The following SCOC variants were observed in gnomAD, a reference collection of about 807,000 sequenced individuals.
SCOC encodes short coiled coil protein.
A neutral mutation model predicts 9.9 loss-of-function variants in SCOC; 7 were observed. The ratio of observed to expected loss-of-function variants is 0.71; its 90% CI spans 0.40 to 1.33. The LOEUF (loss-of-function observed/expected upper bound fraction) is 1.33, where lower values mean the gene tolerates loss of function less well. Ranked by LOEUF, SCOC falls within the 40% of genes most tolerant of loss-of-function variation. The probability of loss-of-function intolerance (pLI) is 0.01; values close to 1 mark genes in which losing one functional copy is unlikely to be tolerated. For missense variants in SCOC, 66 were observed against 89.7 expected, an observed-to-expected ratio of 0.74 and a Z score of 1.07; for synonymous variants, 19 against 28.2, an observed-to-expected ratio of 0.67 and a Z score of 1.03.
chr4:140,264,464 A>G (rs1318396958), intron 1 of SCOC, among the ~76,000 whole-genome samples: 2 of 152,212 alleles, frequency 1.3e-5, no homozygotes, highest in Admixed American at 6.5e-5. Flanking sequence ...TCATACGTAT[A>G]AAGATCTTAG....
chr4:140,369,382 A>T (rs184959638), upstream of SCOC: 1 of 317,592 alleles, frequency 3.1e-6, no homozygotes, highest in African/African-American at 2.2e-5. Context: ...TAAAAAAGAA[A>T]ATGTGAGTTC....
intron 1 of SCOC, among the ~76,000 whole-genome samples, chr4:140,378,871 G>A (rs1328844591): frequency 6.6e-6 from 1 of 151,966 alleles, no homozygotes; most frequent in South Asian, 2.1e-4. Context: ...TGCTAGTATT[G>A]ATCATTATCT....
chr4:140,263,134 A>T (rs1333903569), intron 1 of SCOC, among the ~76,000 whole-genome samples: 2 of 152,238 alleles, frequency 1.3e-5, no homozygotes, highest in African/African-American at 4.8e-5. Context: ...GTGCATTTGC[A>T]TCTCTTTAAA....
Position 140,381,795 on chromosome 4 carries a change from C to A in SCOC, c.*691C>A, listed in dbSNP as rs986220554. ...ACTTGGGAATATTTGTTGTTAAAAACTTCTTTTTGCCCAAAATAACTCATT... is the reference window on the plus strand; with the variant it reads ...ACTTGGGAATATTTGTTGTTAAAAAATTCTTTTTGCCCAAAATAACTCATT... On this transcript the variant is annotated 3_prime_UTR_variant, in exon 4 of 4. Coordinates refer to ENST00000608372, the MANE Select transcript of SCOC (RefSeq NM_001153484.2). 1 of 152,144 alleles carries A rather than the reference C, an allele frequency of 6.6e-6. No individual in the cohort carries two copies. The highest frequency in any genetic ancestry group is 1.9e-4 in the East Asian group (1 of 5,198). The allele number at this position is 152,144 out of a possible 1,614,324, so 9.4% of individuals were successfully genotyped here.
At chr4:140,311,688 A>G (rs1383858806) in intron 1 of SCOC, among the ~76,000 whole-genome samples, 1 of 152,114 alleles carries the variant, frequency 6.6e-6, no homozygotes, top group Non-Finnish European at 1.5e-5. Context: ...GCTTGAGTTA[A>G]TCTTTTCTTT....
chr4:140,340,967 AT>A (rs569075152), upstream of SCOC, among the ~76,000 whole-genome samples: 33 of 144,466 alleles, frequency 2.3e-4, no homozygotes, highest in Non-Finnish European at 2.1e-4. Context: ...AATATTTTGT[AT>A]TTTTTTTTTA....
chr4:140,267,973 C>G (rs1730767529), intron 1 of SCOC, among the ~76,000 whole-genome samples: 1 of 152,190 alleles, frequency 6.6e-6, no homozygotes, highest in Non-Finnish European at 1.5e-5. Flanking sequence ...GGACGCCTTG[C>G]TGAAAGAGGT....
chr4:140,356,730 C>T (rs1283306954), intron 2 of SCOC, among the ~76,000 whole-genome samples: 3 of 152,116 alleles, frequency 2.0e-5, no homozygotes, highest in African/African-American at 7.2e-5. Flanking sequence ...GTGAGGTTAA[C>T]TTTGAGCTCT....
At chr4:140,314,897 G>C (rs796146590) in intron 1 of SCOC, among the ~76,000 whole-genome samples, 32 of 152,254 alleles carry the variant, frequency 2.1e-4, no homozygotes, top group African/African-American at 7.7e-4. Flanking sequence ...TGGTTGTGTG[G>C]TTGCTGAATG....
intron 1 of SCOC, among the ~76,000 whole-genome samples, chr4:140,338,132 G>A (rs1733012239): frequency 6.6e-6 from 1 of 152,162 alleles, no homozygotes; most frequent in African/African-American, 2.4e-5. Context: ...TGGGATGCAA[G>A]GCTGGTTCAA....
intron 1 of SCOC, among the ~76,000 whole-genome samples, chr4:140,260,915 T>C (rs1730618320): frequency 6.6e-6 from 1 of 152,234 alleles, no homozygotes; most frequent in African/African-American, 2.4e-5. Context: ...AAACAGCTGA[T>C]TAATAGTTTT....
upstream of SCOC, chr4:140,373,259 CA>C: frequency 5.5e-6 from 7 of 1,275,260 alleles, no homozygotes; most frequent in Non-Finnish European, 6.9e-6. Flanking sequence ...TCGCTCATAC[CA>C]ACCTCTTTCC....
intron 1 of SCOC, among the ~76,000 whole-genome samples, chr4:140,283,079 A>G (rs57655415): frequency 1.7e-3 from 257 of 152,362 alleles, no homozygotes; most frequent in African/African-American, 5.9e-3. Context: ...TCTAGCATTC[A>G]AGAAACAGGT....
chr4:140,342,800 C>T (rs979481615), upstream of SCOC, among the ~76,000 whole-genome samples: 2 of 152,106 alleles, frequency 1.3e-5, no homozygotes, highest in Non-Finnish European at 2.9e-5. Context: ...GAAATACTTC[C>T]TCCTCAAACA....
At position 140,381,333 on chromosome 4, in the gene SCOC, C is replaced by T; in HGVS notation, c.*229C>T. On this transcript the variant is annotated 3_prime_UTR_variant, in exon 4 of 4. Transcript: ENST00000608372. ...TGTAGAGACTTTATGATTAGAATTG[C>T]ATATATTTATGAAACTTAAAGATGA... is the stretch of plus-strand genomic sequence containing the variant. 1 of 329,752 alleles carries T rather than the reference C, an allele frequency of 3.0e-6. No homozygotes were observed. Among genetic ancestry groups the T allele is most frequent in the South Asian group, 5.9e-5 (1 of 17,080 alleles). 20.4% of individuals were successfully genotyped at this position (329,752 alleles called of 1,614,324 possible).
At chr4:140,268,918 G>A (rs1730785076) in intron 1 of SCOC, among the ~76,000 whole-genome samples, 1 of 152,180 alleles carries the variant, frequency 6.6e-6, no homozygotes, top group East Asian at 1.9e-4. Flanking sequence ...ATAGGGAAGA[G>A]CATTTCATTG....
intron 2 of SCOC, among the ~76,000 whole-genome samples, chr4:140,362,288 T>TTCTTTTCTTCC (rs1727562601): frequency 3.8e-5 from 1 of 26,332 alleles, no homozygotes; most frequent in African/African-American, 2.6e-4. Flanking sequence ...CTTCTTCTTC[T>TTCTTTTCTTCC]TCTTCTTCTT....
rs1027104249 is a variant in SCOC, at chr4:140,363,503, T to C, written c.71-15618T>C. Among the ~76,000 whole-genome samples the C allele has an allele frequency of 3.3e-5, 5 of 152,316 alleles. No homozygotes were observed. The South Asian group carries it at 1.0e-3, about 32-fold the overall frequency. On this transcript the variant is annotated intron_variant, in intron 2 of 4. Coordinates refer to the SCOC transcript ENST00000338517. The stretch of plus-strand genomic sequence containing the variant: ...TCTGTGTTACTATTACCATAAAATA[T>C]CACAAATCTATTATAAAAAGTTACA...
chr4:140,361,731 T>C (rs192096007), intron 2 of SCOC, among the ~76,000 whole-genome samples: 2 of 152,274 alleles, frequency 1.3e-5, no homozygotes, highest in Admixed American at 1.3e-4. Flanking sequence ...GTAAAATTAA[T>C]ACCTTGAAAC....
Sources: allele counts gnomAD v4.1 joint callset (sites outside exome capture counted in the v4.1 genomes callset), GRCh38; gene constraint gnomAD v4.1.1; transcripts MANE v1.5; gene names NCBI Gene and HGNC (gene_info 2026-07-23, HGNC 2026-07-21).